CORIN: variants seen among roughly 807,000 people sequenced by gnomAD.
CORIN encodes the protein corin, serine peptidase.
CORIN carries 117 observed loss-of-function variants against 125.3 expected under a neutral mutation model. That is an observed-to-expected ratio of 0.93 (90% CI 0.80 to 1.09). The LOEUF (loss-of-function observed/expected upper bound fraction) is 1.09. Ranked by LOEUF, CORIN falls within the 50% of genes least tolerant of loss-of-function variation. CORIN has a pLI of 0.00. For missense variants in CORIN, 1,253 were observed against 1,306.7 expected (o/e 0.96, Z 0.63); for synonymous variants, 450 against 466.4 (o/e 0.96, Z 0.45).
intron 4 of CORIN, among the ~76,000 whole-genome samples, chr4:47,745,009 A>G (rs1728598360): frequency 6.6e-6 from 1 of 152,184 alleles, no homozygotes; most frequent in Non-Finnish European, 1.5e-5. Flanking sequence ...AGTATCTCTG[A>G]GTGGCAGCAG....
In CORIN at chr4:47,694,459, T is replaced by TTG. The variant is rs147979858; in HGVS notation, c.800-1378_800-1377dup. ...TCTCTCTCTCACCTTCCACCAAAGC[T>TTG]TGTGTGTGTGTGTGTTTGTGTATGT... On this transcript the variant is annotated intron_variant, in intron 5 of 21. Transcript: ENST00000273857. Among the ~76,000 whole-genome samples, 386 of 151,372 alleles carry TTG rather than the reference T, an allele frequency of 2.6e-3. 1 individual carries two copies. Among genetic ancestry groups the TTG allele is most frequent in the African/African-American group, 8.9e-3 (370 of 41,382 alleles).
intron 2 of CORIN, among the ~76,000 whole-genome samples, chr4:47,804,903 G>A (rs1195312498): frequency 4.0e-5 from 6 of 151,838 alleles, no homozygotes; most frequent in Admixed American, 6.6e-5. Context: ...TTGGGAGGCC[G>A]AGACGGGTGG....
At chr4:47,765,305 C>A (rs541179164) in intron 3 of CORIN, among the ~76,000 whole-genome samples, 1 of 146,622 alleles carries the variant, frequency 6.8e-6, no homozygotes, top group Admixed American at 6.7e-5. Flanking sequence ...AGCGAGACTC[C>A]GTCCCCCAAA....
chr4:47,819,472 A>C (rs1732410009), intron 1 of CORIN, among the ~76,000 whole-genome samples: 1 of 152,226 alleles, frequency 6.6e-6, no homozygotes, highest in Non-Finnish European at 1.5e-5. Flanking sequence ...CTAGAGGAAG[A>C]GGGGACAGAG....
chr4:47,675,720 A>T (rs1286733302), intron 9 of CORIN, among the ~76,000 whole-genome samples: 1 of 152,016 alleles, frequency 6.6e-6, no homozygotes, highest in Non-Finnish European at 1.5e-5. Context: ...TGCTTTATGG[A>T]AGACATATTT....
In CORIN at chr4:47,763,362, T is replaced by A. The variant is rs375789910; in HGVS notation, c.617+17A>T. On this transcript the variant is annotated intron_variant, in intron 4 of 21. Coordinates refer to ENST00000273857, the MANE Select transcript of CORIN (RefSeq NM_006587.4). ...ATAACCAACTCTTATCACTGAATAATCTGGGTTCCGAAATACCTGTCATCG... is the reference window on the plus strand; with the variant it reads ...ATAACCAACTCTTATCACTGAATAAACTGGGTTCCGAAATACCTGTCATCG... 3.1e-6 allele frequency: 5 copies of A among 1,600,604 alleles called. No individual in the cohort carries two copies. The highest frequency in any genetic ancestry group is 1.7e-4 in the Middle Eastern group (1 of 6,040).
At chr4:47,752,519 G>A (rs901543081) in intron 4 of CORIN, among the ~76,000 whole-genome samples, 2 of 152,086 alleles carry the variant, frequency 1.3e-5, no homozygotes, top group African/African-American at 4.8e-5. Flanking sequence ...TGCCCAAGAG[G>A]TGCCCTCCAC....
intron 12 of CORIN, among the ~76,000 whole-genome samples, chr4:47,654,135 A>C (rs898534688): frequency 2.0e-5 from 3 of 152,260 alleles, no homozygotes; most frequent in South Asian, 2.1e-4. Context: ...CAGGATCACT[A>C]GTATAAAAGC....
chr4:47,680,450 G>T (rs1725222102), intron 7 of CORIN, 199 bp from the exon 8 acceptor site: 1 of 499,240 alleles, frequency 2.0e-6, no homozygotes, highest in Non-Finnish European at 3.6e-6. Flanking sequence ...TCACTGTGGG[G>T]TAAGATGGGT....
chr4:47,819,736 G>A (rs916032744), intron 1 of CORIN, among the ~76,000 whole-genome samples: 54 of 152,158 alleles, frequency 3.5e-4, no homozygotes, highest in African/African-American at 1.3e-3. Context: ...TGTGTACCTT[G>A]ATGCCCATAA....
chr4:47,748,456 T>C (rs925233702), intron 4 of CORIN, among the ~76,000 whole-genome samples: 1 of 149,852 alleles, frequency 6.7e-6, no homozygotes, highest in African/African-American at 2.5e-5. Context: ...ACATTTCAAC[T>C]AAAGTTAAAG....
At chr4:47,766,214 T>C (rs1729728803) in intron 3 of CORIN, among the ~76,000 whole-genome samples, 1 of 152,178 alleles carries the variant, frequency 6.6e-6, no homozygotes, top group African/African-American at 2.4e-5. Flanking sequence ...AAATGGAATA[T>C]AACATTGCTT....
chr4:47,632,900 C>T (rs1164559664), intron 16 of CORIN, among the ~76,000 whole-genome samples: 1 of 152,106 alleles, frequency 6.6e-6, no homozygotes, highest in East Asian at 1.9e-4. Flanking sequence ...CTGCCTCAGC[C>T]TCCTGGGTAG....
chr4:47,626,614 A>G (rs184762080), intron 16 of CORIN, 93 bp from the exon 17 acceptor site: 6 of 831,422 alleles, frequency 7.2e-6, no homozygotes, highest in Non-Finnish European at 1.0e-5. Flanking sequence ...TTTCAAAAAG[A>G]AGCACTAAAT....
At chr4:47,661,508 T>A in intron 12 of CORIN, 2 of 510,270 alleles carry the variant, frequency 3.9e-6, no homozygotes, top group Non-Finnish European at 3.4e-6. Context: ...GACTTCTTTA[T>A]TTTTAAAATG....
chr4:47,674,514 A>G lies in CORIN; in HGVS notation c.1250-14T>C. On this transcript the variant is annotated splice_polypyrimidine_tract_variant and intron_variant, in intron 9 of 21. Coordinates refer to ENST00000273857, the MANE Select transcript of CORIN (RefSeq NM_006587.4). ...ATGAAGTCTGAACTACAGAGGGAGG[A>G]AAAGGCACATTGGCTTTCATCATCT... The G allele has an allele frequency of 6.6e-7, 1 of 1,508,980 alleles. No homozygotes were observed. The highest frequency in any genetic ancestry group is 9.2e-7 in the Non-Finnish European group (1 of 1,084,422). 93.5% of individuals were successfully genotyped at this position (1,508,980 alleles called of 1,614,324 possible).
intron 1 of CORIN, among the ~76,000 whole-genome samples, chr4:47,811,398 A>G (rs543160014): frequency 1.1e-3 from 172 of 152,316 alleles, no homozygotes; most frequent in African/African-American, 3.9e-3. Context: ...ATTATAGTTG[A>G]CATTTCAAGT....
chr4:47,813,606 T>G (rs1412823504), intron 1 of CORIN, among the ~76,000 whole-genome samples: 1 of 152,246 alleles, frequency 6.6e-6, no homozygotes, highest in Non-Finnish European at 1.5e-5. Flanking sequence ...GAATTTAAAC[T>G]GTTTCTGATA....
At chr4:47,784,676 A>T (rs1428353940) in intron 3 of CORIN, among the ~76,000 whole-genome samples, 1 of 152,236 alleles carries the variant, frequency 6.6e-6, no homozygotes, top group Non-Finnish European at 1.5e-5. Flanking sequence ...TTTTTGTTTA[A>T]ATTACTTCTG....
Sources: allele counts gnomAD v4.1 joint callset (sites outside exome capture counted in the v4.1 genomes callset), GRCh38; gene constraint gnomAD v4.1.1; transcripts MANE v1.5; gene names NCBI Gene and HGNC (gene_info 2026-07-23, HGNC 2026-07-21).